POU2F2: variants seen among roughly 807,000 people sequenced by gnomAD.
POU2F2 encodes POU domain, class 2, transcription factor 2.
In POU2F2, 14 loss-of-function variants were observed where a neutral mutation model predicts 63.5. The ratio of observed to expected loss-of-function variants is 0.22; its 90% CI spans 0.15 to 0.34. The LOEUF (loss-of-function observed/expected upper bound fraction) is 0.34. Ranked by LOEUF, POU2F2 falls within the 10% of genes least tolerant of loss-of-function variation. The pLI is 1.00. For synonymous variants in POU2F2, 306 were observed against 348.6 expected (o/e 0.88, Z 1.36); for missense variants, 607 against 815.2 (o/e 0.74, Z 3.11).
Position 42,091,365 on chromosome 19 carries a change from G to A in POU2F2, c.1767C>T (p.Ser589=). The change falls in exon 15 of 15, where the codon TCC becomes TCT. Residue 589 remains serine (S), a synonymous_variant. Transcript: ENST00000692977. The part of the protein sequence containing the change: ...ASISSKSPGL[S]SSSSSSSSSS... ...AGGATGAGGATGAAGAGGATGAGGA[G>A]GAGAGGCCAGGAGACTTGCTGGAGA... 2.6e-6 allele frequency: 4 copies of A among 1,539,298 alleles called. No homozygotes were observed. The highest frequency in any genetic ancestry group is 2.6e-6 in the Non-Finnish European group (3 of 1,146,834).
chr19:42,170,151 C>T (rs940626599), intron 1 of POU2F2, among the ~76,000 whole-genome samples: 1 of 151,988 alleles, frequency 6.6e-6, no homozygotes, highest in African/African-American at 2.4e-5. Context: ...GTTGTGTGAC[C>T]CCCCTCCAGA....
At chr19:42,139,805 G>T (rs769373801) in intron 2 of POU2F2, among the ~76,000 whole-genome samples, 2 of 152,170 alleles carry the variant, frequency 1.3e-5, no homozygotes, top group African/African-American at 2.4e-5. Flanking sequence ...CGGCTCAACT[G>T]GCCATTGACA....
At chr19:42,105,992 C>CTTTTT in intron 5 of POU2F2, among the ~76,000 whole-genome samples, 1 of 141,704 alleles carries the variant, frequency 7.1e-6, no homozygotes, top group East Asian at 2.1e-4. Context: ...TATATAGGAT[C>CTTTTT]TTTCTTTTTT....
chr19:42,103,842 C>G (rs145061137), intron 5 of POU2F2, among the ~76,000 whole-genome samples: 3,057 of 151,900 alleles, frequency 0.02, 50 homozygotes, highest in Non-Finnish European at 0.032. Flanking sequence ...ACCGTGTTAG[C>G]CAGGATGGTC....
chr19:42,103,576 A>T (rs1367431076), intron 5 of POU2F2, among the ~76,000 whole-genome samples: 4 of 151,838 alleles, frequency 2.6e-5, no homozygotes, highest in African/African-American at 7.3e-5. Flanking sequence ...TGTGCCAGGA[A>T]GTGAACAAAC....
intron 1 of POU2F2, among the ~76,000 whole-genome samples, chr19:42,194,225 A>AAAT (rs1185351817): frequency 1.3e-5 from 2 of 150,966 alleles, no homozygotes; most frequent in South Asian, 4.2e-4. Context: ...TCTACAAAAA[A>AAAT]AATAATAATA....
intron 2 of POU2F2, among the ~76,000 whole-genome samples, chr19:42,149,375 A>G (rs1257865432): frequency 1.3e-5 from 2 of 152,128 alleles, no homozygotes; most frequent in Non-Finnish European, 2.9e-5. Flanking sequence ...CAAGGACCTG[A>G]GCCTCCACTT....
intron 5 of POU2F2, among the ~76,000 whole-genome samples, chr19:42,102,891 C>G (rs2077197360): frequency 6.6e-6 from 1 of 152,144 alleles, no homozygotes; most frequent in South Asian, 2.1e-4. Flanking sequence ...AATGGCTTCT[C>G]ATAGCCCTCA....
rs2076654220 is a variant in POU2F2 at position 42,089,710 on chromosome 19, T to TTATATATATATATATATATATGTTTA, written c.*1521_*1546dup. The TTATATATATATATATATATATGTTTA allele has an allele frequency of 8.4e-5, 12 of 143,700 alleles. No individual in the cohort carries two copies. Among genetic ancestry groups the TTATATATATATATATATATATGTTTA allele is most frequent in the Non-Finnish European group, 1.7e-4 (11 of 65,538 alleles). 8.9% of individuals were successfully genotyped at this position (143,700 alleles called of 1,614,324 possible). A position where few individuals can be genotyped will look rare whatever the true frequency, so the allele number is the denominator to read the frequency against. ...GAAGAGTCCTCATCTTCTTTCCCTT[T>TTATATATATATATATATATATGTTTA]TATATATATATATATATATATGTTT... On this transcript the variant is annotated 3_prime_UTR_variant, in exon 15 of 15. Transcript: ENST00000692977.
At chr19:42,138,920 T>TC (rs1384103504) in intron 2 of POU2F2, among the ~76,000 whole-genome samples, 1 of 152,152 alleles carries the variant, frequency 6.6e-6, no homozygotes, top group Non-Finnish European at 1.5e-5. Flanking sequence ...CAAACATTCC[T>TC]CATCATATCT....
chr19:42,178,271 T>G (rs1022439882), upstream of POU2F2, among the ~76,000 whole-genome samples: 4 of 150,392 alleles, frequency 2.7e-5, no homozygotes, highest in South Asian at 8.4e-4. Context: ...GTCAGAAAGA[T>G]AGCCACAGAG....
At chr19:42,130,838 G>A (rs974170038) in intron 1 of POU2F2, among the ~76,000 whole-genome samples, 3 of 150,800 alleles carry the variant, frequency 2.0e-5, no homozygotes, top group Non-Finnish European at 4.4e-5. Context: ...GGGCTCCTAC[G>A]ATCCCCTAAT....
Position 42,095,403 on chromosome 19 carries a change from C to T in POU2F2, c.1080G>A (p.Lys360=), listed in dbSNP as rs1047933629. The change falls in exon 11 of 15, where the codon AAG becomes AAA. Residue 360 remains lysine, a synonymous_variant. Coordinates refer to ENST00000692977, the MANE Select transcript of POU2F2 (RefSeq NM_001394376.1). The surrounding 1 kb of genome is among the most constrained non-coding windows in gnomAD (Gnocchi z 7.1). ...TGCAGAACCAGACGCGGATCACTTC[C>T]TTCTCCATGTGCAGCTGCTCGGCGA... ...LLIAEQLHME[K]EVIRVWFCNR... is the part of the protein sequence containing the mutation. The T allele has an allele frequency of 6.2e-7, 1 of 1,613,930 alleles. No individual in the cohort carries two copies. Among genetic ancestry groups the T allele is most frequent in the Admixed American group, 1.7e-5 (1 of 60,026 alleles).
At chr19:42,147,447 T>G (rs8107737) in intron 2 of POU2F2, among the ~76,000 whole-genome samples, 15,567 of 152,254 alleles carry the variant, frequency 0.1, 941 homozygotes, top group Middle Eastern at 0.2. Context: ...ACTTATCAGT[T>G]CCTGATTTTG....
chr19:42,134,589 G>C (rs774940426), upstream of POU2F2: 8 of 152,644 alleles, frequency 5.2e-5, no homozygotes, highest in African/African-American at 7.2e-5. Flanking sequence ...GGCAGGGGGA[G>C]ATGGTGGCCT....
intron 1 of POU2F2, among the ~76,000 whole-genome samples, chr19:42,185,680 G>A (rs1172769602): frequency 2.6e-5 from 4 of 152,124 alleles, no homozygotes; most frequent in Admixed American, 6.5e-5. Flanking sequence ...ATATGTTAAT[G>A]TAAACCTCCA....
chr19:42,130,876 A>G (rs2033646384), intron 1 of POU2F2, among the ~76,000 whole-genome samples: 1 of 130,366 alleles, frequency 7.7e-6, no homozygotes, highest in African/African-American at 3.0e-5. Flanking sequence ...CAACCCCTCT[A>G]CCTATGTCCC....
upstream of POU2F2, chr19:42,133,324 C>T (rs1256987243): frequency 2.0e-5 from 3 of 152,188 alleles, no homozygotes; most frequent in Admixed American, 2.0e-4. This position sits in a 1 kb window ranked among gnomAD's most constrained non-coding sequence, Gnocchi z 5.1. Context: ...CCGCTCCCCT[C>T]CCCAACACCC....
chr19:42,158,623 A>C (rs1418187996), intron 2 of POU2F2, among the ~76,000 whole-genome samples: 1 of 152,204 alleles, frequency 6.6e-6, no homozygotes, highest in Non-Finnish European at 1.5e-5. Flanking sequence ...CCTAATAAAT[A>C]TCAGTTTCCT....
Sources: gnomAD v4.1 joint callset for allele counts (sites outside exome capture counted in the v4.1 genomes callset) on GRCh38, gnomAD v4.1.1 for gene constraint, Gnocchi (gnomAD v3.1) non-coding constraint, MANE v1.5 for transcripts, NCBI Gene and HGNC (gene_info 2026-07-23, HGNC 2026-07-21) for gene names.